PREP: variants seen among roughly 807,000 people sequenced by gnomAD.
PREP encodes prolyl endopeptidase.
In PREP, 29 loss-of-function variants were observed where a neutral mutation model predicts 87.6. That is an observed-to-expected ratio of 0.33 (90% CI 0.25 to 0.45). PREP has a LOEUF of 0.45. Ranked by LOEUF, PREP falls within the 20% of genes least tolerant of loss-of-function variation. The probability of loss-of-function intolerance (pLI) is 1.00; values close to 1 mark genes in which losing one functional copy is unlikely to be tolerated. For missense variants in PREP, 695 were observed against 886.5 expected, an observed-to-expected ratio of 0.78 and a Z score of 2.74; for synonymous variants, 337 against 328.6, an observed-to-expected ratio of 1.03 and a Z score of -0.28.
chr6:105,332,062 G>C (rs187804845), intron 8 of PREP, among the ~76,000 whole-genome samples: 1 of 152,246 alleles, frequency 6.6e-6, no homozygotes, highest in East Asian at 1.9e-4. Flanking sequence ...ATTTCAAGCA[G>C]GCATGCAGTT....
At position 105,278,530 on chromosome 6, in the gene PREP, C is replaced by CAGTT; in HGVS notation, c.1839-96_1839-93dup. On this transcript the variant is annotated intron_variant, in intron 14 of 14. Coordinates refer to ENST00000652536, the MANE Select transcript of PREP (RefSeq NM_002726.5). The surrounding 1 kb of genome is among the most constrained non-coding windows in gnomAD (Gnocchi z 4.2). ...GGTAGTTAATTAGCAGTGAGGACTG[C>CAGTT]AGTTAACTAGTACGTGAGTGACCAC... 7.6e-7 allele frequency: 1 copy of CAGTT among 1,311,112 alleles called. No homozygotes were observed. The highest frequency in any genetic ancestry group is 1.4e-5 in the South Asian group (1 of 71,944). 81.2% of individuals were successfully genotyped at this position (1,311,112 alleles called of 1,614,324 possible).
intron 2 of PREP, among the ~76,000 whole-genome samples, chr6:105,394,144 CA>C (rs1773231245): frequency 6.6e-6 from 1 of 152,018 alleles, no homozygotes; most frequent in Non-Finnish European, 1.5e-5. Flanking sequence ...AATTCAAGGA[CA>C]TTTTAATATT....
intron 2 of PREP, among the ~76,000 whole-genome samples, chr6:105,388,477 G>A (rs546645756): frequency 6.7e-6 from 1 of 149,932 alleles, no homozygotes; most frequent in South Asian, 2.2e-4. Flanking sequence ...GCAAGAGAAA[G>A]GAGATTGGGG....
intron 2 of PREP, among the ~76,000 whole-genome samples, chr6:105,383,152 T>C (rs1486913263): frequency 6.6e-6 from 1 of 151,770 alleles, no homozygotes; most frequent in Non-Finnish European, 1.5e-5. Flanking sequence ...GAGAATTAGA[T>C]GCAGCTGCTT....
intron 7 of PREP, among the ~76,000 whole-genome samples, chr6:105,344,783 C>G (rs1256019759): frequency 6.6e-6 from 1 of 152,102 alleles, no homozygotes; most frequent in Non-Finnish European, 1.5e-5. Context: ...GAATATGTAA[C>G]AAACCTGCAC....
At chr6:105,326,831 C>T (rs1415801021) in intron 9 of PREP, among the ~76,000 whole-genome samples, 1 of 152,160 alleles carries the variant, frequency 6.6e-6, no homozygotes. Context: ...AGGAGACAGA[C>T]AAAGCTTGGT....
chr6:105,300,307 A>G (rs562650651), intron 10 of PREP, among the ~76,000 whole-genome samples: 11 of 152,344 alleles, frequency 7.2e-5, no homozygotes, highest in African/African-American at 2.6e-4. Context: ...CAGCTTAGAA[A>G]GATGATCCTT....
At chr6:105,389,864 T>A (rs1050085184) in intron 2 of PREP, among the ~76,000 whole-genome samples, 14 of 152,076 alleles carry the variant, frequency 9.2e-5, no homozygotes, top group African/African-American at 3.4e-4. Flanking sequence ...TACACACTTT[T>A]AAGGTTAACC....
At chr6:105,325,471 T>C (rs1771129199) in intron 9 of PREP, among the ~76,000 whole-genome samples, 1 of 152,166 alleles carries the variant, frequency 6.6e-6, no homozygotes, top group Admixed American at 6.5e-5. Context: ...GGTTGAGACA[T>C]CAAATCTAAC....
intron 10 of PREP, 83 bp from the exon 11 acceptor site, chr6:105,288,977 C>T: frequency 1.4e-6 from 2 of 1,388,340 alleles, no homozygotes; most frequent in African/African-American, 2.9e-5. Flanking sequence ...ATAGTAAATT[C>T]TCTCTTCATG....
At chr6:105,290,417 A>G (rs1770277375) in intron 10 of PREP, among the ~76,000 whole-genome samples, 1 of 152,020 alleles carries the variant, frequency 6.6e-6, no homozygotes, top group South Asian at 2.1e-4. Context: ...CACTGTTCGA[A>G]AAATCATCTG....
chr6:105,377,123 A>C (rs1772705919), intron 3 of PREP, among the ~76,000 whole-genome samples: 1 of 152,206 alleles, frequency 6.6e-6, no homozygotes, highest in African/African-American at 2.4e-5. Flanking sequence ...CTATCTCACC[A>C]ATTACTACCG....
At chr6:105,364,830 G>A (rs1772345773) in intron 6 of PREP, among the ~76,000 whole-genome samples, 1 of 152,174 alleles carries the variant, frequency 6.6e-6, no homozygotes, top group Non-Finnish European at 1.5e-5. Context: ...TCTCATCACA[G>A]ACACTGTAAA....
At chr6:105,309,403 G>A (rs1483558313) in intron 10 of PREP, among the ~76,000 whole-genome samples, 1 of 151,986 alleles carries the variant, frequency 6.6e-6, no homozygotes, top group East Asian at 1.9e-4. Flanking sequence ...TGGGTGTAAT[G>A]TGTTTATGCG....
At position 105,322,320 on chromosome 6, in the gene PREP, C is replaced by T. The variant is rs572483943; in HGVS notation, c.1317+1345G>A. The T allele has an allele frequency of 4.5e-3, 4,101 of 918,564 alleles. 15 individuals carry two copies. Among genetic ancestry groups the T allele is most frequent in the Middle Eastern group, 6.8e-3 (12 of 1,774 alleles). The allele number at this position is 918,564 out of a possible 1,614,324, so 56.9% of individuals were successfully genotyped here. A position where few individuals can be genotyped will look rare whatever the true frequency, so the allele number is the denominator to read the frequency against. On this transcript the variant is annotated intron_variant, in intron 10 of 14. Coordinates refer to ENST00000652536, the MANE Select transcript of PREP (RefSeq NM_002726.5). ...TTGATTGAAAAAAATAGATTATATT[C>T]TATTGCCAGATCTTGAATATACCTT...
chr6:105,330,768 T>C (rs66730595), intron 8 of PREP, among the ~76,000 whole-genome samples: 8,494 of 152,244 alleles, frequency 0.056, 273 homozygotes, highest in Middle Eastern at 0.099. Flanking sequence ...TGAAAAGATG[T>C]TGGAAAGAGG....
intron 9 of PREP, among the ~76,000 whole-genome samples, chr6:105,324,368 A>T (rs1771091590): frequency 6.6e-6 from 1 of 152,230 alleles, no homozygotes; most frequent in Non-Finnish European, 1.5e-5. Context: ...TTGTCCCAGT[A>T]ATTGTGCACG....
At position 105,275,311 on chromosome 6, in the gene PREP, A is replaced by G. The variant is rs1214909662; in HGVS notation, c.*2833T>C. ...TGAAACTTATCCTTTTCAAACTTGT[A>G]GCACCATGTGTGTGTAGCTGCTTAA... is the stretch of plus-strand genomic sequence containing the variant. On this transcript the variant is annotated 3_prime_UTR_variant, in exon 15 of 15. Coordinates refer to ENST00000652536, the MANE Select transcript of PREP (RefSeq NM_002726.5). 1.3e-5 allele frequency among the ~76,000 whole-genome samples: 2 copies of G among 152,216 alleles called. No individual in the cohort carries two copies. Among genetic ancestry groups the G allele is most frequent in the Non-Finnish European group, 2.9e-5 (2 of 68,032 alleles).
At chr6:105,319,116 C>T (rs948094514) in intron 10 of PREP, among the ~76,000 whole-genome samples, 3 of 152,188 alleles carry the variant, frequency 2.0e-5, no homozygotes, top group African/African-American at 2.4e-5. Flanking sequence ...CATTTTGGCT[C>T]GGCTGCAAAG....
Sources: allele counts gnomAD v4.1 joint callset (sites outside exome capture counted in the v4.1 genomes callset), GRCh38; gene constraint gnomAD v4.1.1; non-coding constraint Gnocchi (gnomAD v3.1); transcripts MANE v1.5; gene names NCBI Gene and HGNC (gene_info 2026-07-23, HGNC 2026-07-21).